The following EYS variants were observed in gnomAD, a reference collection of about 807,000 sequenced individuals.
The protein encoded by EYS is protein eyes shut homolog.
A neutral mutation model predicts 282.1 loss-of-function variants in EYS; 250 were observed. That is an observed-to-expected ratio of 0.89 (90% CI 0.80 to 0.98). The LOEUF (loss-of-function observed/expected upper bound fraction) is 0.98, where lower values mean the gene tolerates loss of function less well. EYS is among the 50% of genes least tolerant of loss of function. EYS has a pLI of 0.00. For missense variants in EYS, 4,016 were observed against 3,709.0 expected (o/e 1.08, Z -2.15); for synonymous variants, 1,355 against 1,282.9 (o/e 1.06, Z -1.20).
At chr6:65,020,806 T>C (rs1772230203) in intron 13 of EYS, among the ~76,000 whole-genome samples, 1 of 152,160 alleles carries the variant, frequency 6.6e-6, no homozygotes, top group Non-Finnish European at 1.5e-5. Context: ...GAAATCTAGG[T>C]GGCGGTTTCC....
At chr6:64,937,257 A>G (rs1254448124) in intron 15 of EYS, among the ~76,000 whole-genome samples, 1 of 151,548 alleles carries the variant, frequency 6.6e-6, no homozygotes. Context: ...TTTCTTAGCT[A>G]TGATATGAAA....
At chr6:65,393,249 C>T (rs892317248) in intron 7 of EYS, among the ~76,000 whole-genome samples, 1 of 152,006 alleles carries the variant, frequency 6.6e-6, no homozygotes, top group East Asian at 1.9e-4. Context: ...GTGCAGCGCA[C>T]CAGCATGGCA....
At chr6:64,015,656 G>A (rs1322296690) in intron 33 of EYS, among the ~76,000 whole-genome samples, 1 of 152,202 alleles carries the variant, frequency 6.6e-6, no homozygotes, top group Non-Finnish European at 1.5e-5. Context: ...GGTGATAGGT[G>A]ATGGTGAGGT....
At chr6:64,723,354 T>C (rs908947476) in intron 22 of EYS, among the ~76,000 whole-genome samples, 2 of 152,166 alleles carry the variant, frequency 1.3e-5, no homozygotes, top group Non-Finnish European at 2.9e-5. Flanking sequence ...CTCTATGTTG[T>C]TTTTGTAAAG....
At chr6:65,428,220 CTA>C (rs1767738143) in intron 5 of EYS, among the ~76,000 whole-genome samples, 1 of 151,864 alleles carries the variant, frequency 6.6e-6, no homozygotes. Context: ...CCCAGTTATT[CTA>C]TGTCTGAAAA....
rs55756711 is a variant in EYS at position 64,107,285 on chromosome 6, TTATATATATATA to T, written c.6425-25295_6425-25284del. 4.0e-4 allele frequency among the ~76,000 whole-genome samples: 41 copies of T among 101,508 alleles called. 1 individual carries two copies. The highest frequency in any genetic ancestry group is 1.8e-3 in the Admixed American group (16 of 8,828). The allele number at this position is 101,508 out of a possible 152,430, so 66.6% of individuals were successfully genotyped here. A position where few individuals can be genotyped will look rare whatever the true frequency, so the allele number is the denominator to read the frequency against. The stretch of plus-strand genomic sequence containing the variant: ...TGTGTGTGTGTGTATATATATATAT[TTATATATATATA>T]TATATATATATATATATAAAGGGGA... On this transcript the variant is annotated intron_variant, in intron 31 of 42. Transcript: ENST00000503581.
chr6:63,843,951 T>C (rs1408445776), intron 36 of EYS, among the ~76,000 whole-genome samples: 2 of 152,152 alleles, frequency 1.3e-5, no homozygotes, highest in African/African-American at 4.8e-5. Context: ...GATCAACCCA[T>C]CACCTGGGCA....
intron 2 of EYS, among the ~76,000 whole-genome samples, chr6:65,501,477 C>G (rs1454372970): frequency 6.6e-6 from 1 of 151,386 alleles, no homozygotes; most frequent in African/African-American, 2.4e-5. Flanking sequence ...AGAAAAACAC[C>G]TAAATTATCG....
At chr6:65,278,818 A>G (rs1008702243) in intron 12 of EYS, among the ~76,000 whole-genome samples, 4 of 152,198 alleles carry the variant, frequency 2.6e-5, no homozygotes, top group African/African-American at 4.8e-5. Flanking sequence ...TTATTCAAAT[A>G]GTATCTGAGT....
At chr6:64,029,417 T>A (rs553821968) in intron 33 of EYS, among the ~76,000 whole-genome samples, 2 of 152,320 alleles carry the variant, frequency 1.3e-5, no homozygotes, top group Admixed American at 6.5e-5. Context: ...CTACTTATGA[T>A]GTAAATGGCA....
chr6:63,875,300 G>C (rs556553016), intron 35 of EYS, among the ~76,000 whole-genome samples: 3 of 152,158 alleles, frequency 2.0e-5, no homozygotes, highest in South Asian at 2.1e-4. Flanking sequence ...GTTGAACCAG[G>C]CTTGCATCCC....
chr6:63,908,012 G>GTGTGTATATATA (rs1491193336), intron 35 of EYS, among the ~76,000 whole-genome samples: 1 of 131,152 alleles, frequency 7.6e-6, no homozygotes, highest in East Asian at 2.3e-4. Flanking sequence ...ACACACAAAC[G>GTGTGTATATATA]TATATATATA....
At chr6:64,753,155 A>G (rs771188614) in intron 22 of EYS, among the ~76,000 whole-genome samples, 1 of 152,174 alleles carries the variant, frequency 6.6e-6, no homozygotes, top group African/African-American at 2.4e-5. Context: ...ACACAGAAGT[A>G]TAACTCACAG....
intron 28 of EYS, among the ~76,000 whole-genome samples, chr6:64,394,994 A>T (rs1429570701): frequency 6.6e-6 from 1 of 152,212 alleles, no homozygotes; most frequent in Admixed American, 6.5e-5. Context: ...CACTTCTCGA[A>T]AGAAGACATT....
intron 12 of EYS, among the ~76,000 whole-genome samples, chr6:65,114,249 C>T (rs559235601): frequency 2.0e-5 from 3 of 150,606 alleles, no homozygotes; most frequent in Admixed American, 6.6e-5. Flanking sequence ...CAAAGAAATG[C>T]CAAATATATG....
chr6:64,195,822 G>A (rs1765270951), intron 31 of EYS, among the ~76,000 whole-genome samples: 1 of 152,100 alleles, frequency 6.6e-6, no homozygotes, highest in African/African-American at 2.4e-5. Context: ...CCTACTTTAT[G>A]TGTTTGATAA....
intron 13 of EYS, among the ~76,000 whole-genome samples, chr6:65,006,809 T>A (rs954998661): frequency 1.4e-4 from 21 of 152,200 alleles, no homozygotes; most frequent in Middle Eastern, 3.2e-3. Flanking sequence ...AATTGCCTAA[T>A]AATTGGTCTC....
chr6:64,123,777 A>T (rs559352706), intron 31 of EYS, among the ~76,000 whole-genome samples: 1 of 152,344 alleles, frequency 6.6e-6, no homozygotes, highest in South Asian at 2.1e-4. Context: ...TACAAAATTA[A>T]AATTGATACA....
chr6:63,976,970 G>A (rs1332383109), intron 35 of EYS, among the ~76,000 whole-genome samples: 4 of 151,724 alleles, frequency 2.6e-5, no homozygotes, highest in Admixed American at 2.6e-4. Context: ...TGGAGATTCA[G>A]GTCTCTTTCT....
Sources: gnomAD v4.1 joint callset for allele counts (sites outside exome capture counted in the v4.1 genomes callset) on GRCh38, gnomAD v4.1.1 for gene constraint, MANE v1.5 for transcripts, NCBI Gene and HGNC (gene_info 2026-07-23, HGNC 2026-07-21) for gene names.